MRC2: variants seen among roughly 807,000 people sequenced by gnomAD.
MRC2 encodes the protein C-type mannose receptor 2.
Under a neutral mutation model 206.2 loss-of-function variants are expected in MRC2, and 84 were observed. The ratio of observed to expected loss-of-function variants is 0.41; its 90% CI spans 0.34 to 0.49. The LOEUF is 0.49. Among genes scored for constraint, MRC2 ranks in the 20% least tolerant of loss-of-function variants. The pLI, the probability that MRC2 is intolerant of heterozygous loss-of-function variation, is 0.31. For synonymous variants in MRC2, 798 were observed against 800.0 expected, an observed-to-expected ratio of 1.00 and a Z score of 0.04; for missense variants, 1,676 against 2,001.5, an observed-to-expected ratio of 0.84 and a Z score of 3.10.
intron 1 of MRC2, among the ~76,000 whole-genome samples, chr17:62,655,146 C>T (rs1008445201): frequency 4.6e-5 from 7 of 151,802 alleles, no homozygotes; most frequent in Non-Finnish European, 1.5e-5. Context: ...ATTAGCCGGG[C>T]GTGGTGGCGG....
rs1221922622 is a variant in MRC2, at chr17:62,661,516, CTTTCTTTCTTTCTCTTTCTT to C, written c.119-3010_119-2991del. On this transcript the variant is annotated intron_variant, in intron 1 of 29. Coordinates refer to ENST00000303375, the MANE Select transcript of MRC2 (RefSeq NM_006039.5). Reference sequence around the variant, plus strand: ...TTTCCTTCCTTCCTTTCTTTCTTTTCTTTCTTTCTTTCTCTTTCTTTTTCTTTCTTTCTCTTTCTTTCTTT... The same window carrying C: ...TTTCCTTCCTTCCTTTCTTTCTTTTCTTTCTTTCTTTCTCTTTCTTTCTTT... 32 of 130,162 alleles carry C rather than the reference CTTTCTTTCTTTCTCTTTCTT, an allele frequency of 2.5e-4. No individual in the cohort carries two copies. In the East Asian group the frequency reaches 4.6e-3, roughly 19 times the overall value. The allele number at this position is 130,162 out of a possible 1,614,324, so 8.1% of individuals were successfully genotyped here.
In MRC2 at chr17:62,664,314, G is replaced by GGAATAGCCTGCA. The variant is rs576769318; in HGVS notation, c.119-233_119-232insAATAGCCTGCAG. The stretch of plus-strand genomic sequence containing the variant: ...CTGAGTCCTCCCTCCTGGTGAGCAG[G>GGAATAGCCTGCA]GGCTAGAACAGAGGTAGTCCTGCAG... On this transcript the variant is annotated intron_variant, in intron 1 of 29. Coordinates refer to ENST00000303375, the MANE Select transcript of MRC2 (RefSeq NM_006039.5). This position sits in a 1 kb window ranked among gnomAD's most constrained non-coding sequence, Gnocchi z 4.7. Among the ~76,000 whole-genome samples the GGAATAGCCTGCA allele has an allele frequency of 3.4e-3, 523 of 152,296 alleles. 5 individuals are homozygous for GGAATAGCCTGCA. Among genetic ancestry groups the GGAATAGCCTGCA allele is most frequent in the East Asian group, 0.013 (67 of 5,170 alleles).
intron 20 of MRC2, 31 bp downstream of exon 20, chr17:62,682,408 G>T: frequency 6.3e-7 from 1 of 1,592,678 alleles, no homozygotes; most frequent in Non-Finnish European, 8.5e-7. Context: ...ACCCAAGGGA[G>T]TCAGGGGAGA....
intron 1 of MRC2, among the ~76,000 whole-genome samples, chr17:62,655,131 A>G (rs996844379): frequency 6.6e-6 from 1 of 152,008 alleles, no homozygotes; most frequent in African/African-American, 2.4e-5. Flanking sequence ...TATAAATACA[A>G]AAAAATTAGC....
intron 1 of MRC2, among the ~76,000 whole-genome samples, chr17:62,636,014 C>T (rs12453749): frequency 0.46 from 69,735 of 151,564 alleles, 17,997 homozygotes; most frequent in East Asian, 0.71. Context: ...GTCTCAATCT[C>T]CTGACCTCGT....
intron 20 of MRC2, 127 bp downstream of exon 20, chr17:62,682,504 C>G (rs1397502851): frequency 1.8e-6 from 2 of 1,128,274 alleles, no homozygotes; most frequent in Non-Finnish European, 2.4e-6. Flanking sequence ...TACCCACCAA[C>G]TTCTCTTTCA....
chr17:62,682,240 TG>T lies in MRC2; in HGVS notation c.2815del (p.Asp939ThrfsTer5), dbSNP rs1368140668. 3 of 1,593,202 alleles carry T rather than the reference TG, an allele frequency of 1.9e-6. No homozygotes were observed. Among genetic ancestry groups the T allele is most frequent in the Admixed American group, 1.7e-5 (1 of 57,972 alleles). ...CVYMTASRED[W>X]GDQRCLTALP... ...CTCCCCTCCCCTTTCCGCAGAGGAC[TG>T]GGGGGACCAGAGGTGCCTGACAGCC... On this transcript the variant is annotated frameshift_variant, in exon 20 of 30. Transcript: ENST00000303375. LOFTEE classifies it high-confidence loss of function.
Position 62,672,071 on chromosome 17 carries a change from T to C in MRC2, c.1380T>C (p.Leu460=). The C allele has an allele frequency of 1.2e-6, 2 of 1,614,134 alleles. No individual in the cohort carries two copies. The highest frequency in any genetic ancestry group is 1.7e-6 in the Non-Finnish European group (2 of 1,180,032). The change falls in exon 8 of 30, where the codon CTT becomes CTC. Residue 460 remains leucine, a synonymous_variant. Coordinates refer to ENST00000303375, the MANE Select transcript of MRC2 (RefSeq NM_006039.5). The surrounding 1 kb of genome is among the most constrained non-coding windows in gnomAD (Gnocchi z 4.5). ...ATTTTGAGTGGTCTGACGGGAGCCT[T>C]GTGAGCTTCACCCACTGGCACCCCT... ...QMNFEWSDGS[L]VSFTHWHPFE...
intron 1 of MRC2, among the ~76,000 whole-genome samples, chr17:62,638,390 A>G (rs1328924659): frequency 6.6e-6 from 1 of 152,210 alleles, no homozygotes; most frequent in Non-Finnish European, 1.5e-5. Flanking sequence ...TAAGAAAATA[A>G]TGTGAGACAC....
At chr17:62,685,868 G>C (rs1195678828) in intron 20 of MRC2, among the ~76,000 whole-genome samples, 2 of 152,118 alleles carry the variant, frequency 1.3e-5, no homozygotes, top group African/African-American at 2.4e-5. Flanking sequence ...AGTATGCTAG[G>C]GTGTTCACTC....
In MRC2 at chr17:62,675,612, T is replaced by C. The variant is rs1221142498; in HGVS notation, c.1570-178T>C. 1.3e-5 allele frequency among the ~76,000 whole-genome samples: 2 copies of C among 152,108 alleles called. No individual in the cohort carries two copies. The highest frequency in any genetic ancestry group is 2.9e-5 in the Non-Finnish European group (2 of 68,016). The stretch of plus-strand genomic sequence containing the variant: ...CAGCTTCCACAGCTGTGGGTGATGG[T>C]GGAGGGGGAATGTGGAGAAACGAGG... On this transcript the variant is annotated intron_variant, in intron 9 of 29. Coordinates refer to ENST00000303375, the MANE Select transcript of MRC2 (RefSeq NM_006039.5). This position sits in a 1 kb window ranked among gnomAD's most constrained non-coding sequence, Gnocchi z 4.1.
At chr17:62,673,317 T>C (rs2147473560) in intron 8 of MRC2, among the ~76,000 whole-genome samples, 1 of 152,218 alleles carries the variant, frequency 6.6e-6, no homozygotes, top group Middle Eastern at 3.4e-3. Flanking sequence ...ACTAAATTCC[T>C]CCTCAGCTTC....
chr17:62,657,613 TC>T (rs923255167), intron 1 of MRC2, among the ~76,000 whole-genome samples: 1 of 134,950 alleles, frequency 7.4e-6, no homozygotes, highest in Non-Finnish European at 1.6e-5. Context: ...CACCTGATGC[TC>T]CCATGCATAT....
chr17:62,671,776 C>G lies in MRC2; in HGVS notation c.1245C>G (p.Gly415=), dbSNP rs368035350. The change falls in exon 7 of 30, where the codon GGC becomes GGG. Residue 415 remains glycine, a synonymous_variant. Transcript: ENST00000303375. This position sits in a 1 kb window ranked among gnomAD's most constrained non-coding sequence, Gnocchi z 4.5. ...ESKKACLRGG[G]DLVSIHSMAE... is the part of the protein sequence containing the mutation. ...AGAAGGCATGTCTACGGGGCGGTGG[C>G]GACCTGGTCAGCATCCACAGCATGG... 4.2e-5 allele frequency: 67 copies of G among 1,612,382 alleles called. No individual in the cohort carries two copies. The East Asian group carries it at 5.8e-4, about 14-fold the overall frequency.
chr17:62,682,203 G>A (rs1444500859), intron 19 of MRC2, 32 bp from the exon 20 acceptor site: 1 of 1,533,842 alleles, frequency 6.5e-7, no homozygotes, highest in Non-Finnish European at 8.8e-7. Flanking sequence ...CTCTGCCCTG[G>A]GGGTGACTGC....
At chr17:62,678,769 G>A in intron 13 of MRC2, 123 bp downstream of exon 13, 1 of 1,401,348 alleles carries the variant, frequency 7.1e-7, no homozygotes. Context: ...TGACCCCAGG[G>A]AGGCCTGCAT....
Position 62,693,186 on chromosome 17 carries a change from G to T in MRC2, c.*735G>T, listed in dbSNP as rs1019507197. On this transcript the variant is annotated 3_prime_UTR_variant, in exon 30 of 30. Transcript: ENST00000303375. ...CCGGGCTGGGATGTCATCTCCTGCCGGGCGGGGGAGGGCTCTGCCCCTGGA... is the reference window on the plus strand; with the variant it reads ...CCGGGCTGGGATGTCATCTCCTGCCTGGCGGGGGAGGGCTCTGCCCCTGGA... The T allele has an allele frequency of 6.6e-6, 1 of 152,644 alleles. No individual in the cohort carries two copies. The highest frequency in any genetic ancestry group is 1.9e-4 in the East Asian group (1 of 5,188). 9.5% of individuals were successfully genotyped at this position (152,644 alleles called of 1,614,324 possible). A position where few individuals can be genotyped will look rare whatever the true frequency, so the allele number is the denominator to read the frequency against.
chr17:62,647,404 C>T (rs959525869), intron 1 of MRC2, among the ~76,000 whole-genome samples: 3 of 151,792 alleles, frequency 2.0e-5, no homozygotes, highest in Admixed American at 6.6e-5. Flanking sequence ...AGGCTGGTCT[C>T]GAACTCCTGA....
Position 62,692,386 on chromosome 17 carries a change from C to T in MRC2, c.4375C>T (p.Pro1459Ser), listed in dbSNP as rs751681043. 1.6e-5 allele frequency: 25 copies of T among 1,574,542 alleles called. No individual in the cohort carries two copies. Among genetic ancestry groups the T allele is most frequent in the Non-Finnish European group, 2.1e-5 (24 of 1,159,906 alleles). ...GARYSRSSSS[P>S]TEATEKNILV... ...CCGCTACAGCCGCAGCAGCTCCAGC[C>T]CCACCGAGGCCACTGAGAAGAACAT... Residue 1459 changes from proline (P) to serine (S), a missense_variant, in exon 30 of 30, where the codon CCC becomes TCC. Around this residue, in one of 3 missense-constraint regions of MRC2, gnomAD observed 1,354 missense variants for 1,636.6 expected, o/e 0.83. Coordinates refer to ENST00000303375, the MANE Select transcript of MRC2 (RefSeq NM_006039.5). This position sits in a 1 kb window ranked among gnomAD's most constrained non-coding sequence, Gnocchi z 4.2.
Sources: gnomAD v4.1 joint callset for allele counts (sites outside exome capture counted in the v4.1 genomes callset) on GRCh38, gnomAD v4.1.1 for gene constraint, gnomAD v4.1.1 regional missense constraint, Gnocchi (gnomAD v3.1) non-coding constraint, MANE v1.5 for transcripts, NCBI Gene and HGNC (gene_info 2026-07-23, HGNC 2026-07-21) for gene names.